The following SH3TC1 variants were observed in gnomAD, a reference collection of about 807,000 sequenced individuals.
The protein encoded by SH3TC1 is SH3 domain and tetratricopeptide repeat-containing protein 1.
Under a neutral mutation model 117.3 loss-of-function variants are expected in SH3TC1, and 135 were observed. That is an observed-to-expected ratio of 1.15 (90% CI 1.00 to 1.33). SH3TC1 has a LOEUF of 1.33. Ranked by LOEUF, SH3TC1 falls within the 40% of genes most tolerant of loss-of-function variation. The pLI, the probability that SH3TC1 is intolerant of heterozygous loss-of-function variation, is 0.00. For synonymous variants in SH3TC1, 898 were observed against 816.9 expected (o/e 1.10, Z -1.69); for missense variants, 2,092 against 1,794.3 (o/e 1.17, Z -3.00).
chr4:8,214,066 G>A (rs886621971), intron 4 of SH3TC1, among the ~76,000 whole-genome samples: 3 of 152,112 alleles, frequency 2.0e-5, no homozygotes, highest in Non-Finnish European at 2.9e-5. Flanking sequence ...GGATGCTGGC[G>A]GGGGGATGGA....
chr4:8,218,452 G>A, intron 8 of SH3TC1, 105 bp downstream of exon 8: 1 of 762,314 alleles, frequency 1.3e-6, no homozygotes, highest in Non-Finnish European at 2.1e-6. Flanking sequence ...CAGAGAGATA[G>A]CTATCAGGTA....
chr4:8,185,675 G>C (rs1347469989), intron 1 of SH3TC1, among the ~76,000 whole-genome samples: 1 of 152,224 alleles, frequency 6.6e-6, no homozygotes, highest in Non-Finnish European at 1.5e-5. Context: ...CTGTATCACA[G>C]CTGCTGGCTA....
In SH3TC1 at chr4:8,209,877, T is replaced by C; in HGVS notation, c.247+55T>C. 6.4e-7 allele frequency: 1 copy of C among 1,556,572 alleles called. No individual in the cohort carries two copies. Among genetic ancestry groups the C allele is most frequent in the Non-Finnish European group, 8.8e-7 (1 of 1,140,722 alleles). On this transcript the variant is annotated intron_variant, in intron 3 of 17. Transcript: ENST00000245105. This position sits in a 1 kb window ranked among gnomAD's most constrained non-coding sequence, Gnocchi z 5.9. The stretch of plus-strand genomic sequence containing the variant: ...CAGGTTCAAATCCGGGCTGTGCCGC[T>C]CCCTGGGCATCCAAGAGTCCAACCC...
Position 8,192,974 on chromosome 4 carries a change from G to C in SH3TC1, c.-57+10764G>C, listed in dbSNP as rs1382436888. On this transcript the variant is annotated intron_variant, in intron 1 of 16. Coordinates refer to the SH3TC1 transcript ENST00000508641. The surrounding 1 kb of genome is among the most constrained non-coding windows in gnomAD (Gnocchi z 4.1). ...TGTTTCACAGCACAAGACAGCCTCA[G>C]CTCTGTGGTCCACAAACCACATGAC... 6.6e-6 allele frequency among the ~76,000 whole-genome samples: 1 copy of C among 152,224 alleles called. No individual in the cohort carries two copies.
chr4:8,209,646 C>G lies in SH3TC1; in HGVS notation c.173-102C>G. 1.3e-6 allele frequency: 2 copies of G among 1,560,724 alleles called. No homozygotes were observed. Among genetic ancestry groups the G allele is most frequent in the Non-Finnish European group, 1.7e-6 (2 of 1,154,060 alleles). On this transcript the variant is annotated intron_variant, in intron 2 of 17. Transcript: ENST00000245105. The surrounding 1 kb of genome is among the most constrained non-coding windows in gnomAD (Gnocchi z 5.9). ...GAAAGGCGGCTCGTGCGGGACAGAA[C>G]TCACCTCTTTTCTTGCAGAGAGACC...
rs374279230 is a variant in SH3TC1 at position 8,237,604 on chromosome 4, C to T, written c.3687C>T (p.Asp1229=). 52 of 1,612,544 alleles carry T rather than the reference C, an allele frequency of 3.2e-5. No individual in the cohort carries two copies. In the Middle Eastern group the frequency reaches 6.6e-4, roughly 21 times the overall value. The part of the protein sequence containing the change: ...LSLCNSPLEF[D]EETLYYVKVY... Reference sequence around the variant, plus strand: ...TCTGCAACTCGCCGCTGGAGTTTGACGAGGAGACCCTCTACTACGTGAAGG... The same window carrying T: ...TCTGCAACTCGCCGCTGGAGTTTGATGAGGAGACCCTCTACTACGTGAAGG... The change falls in exon 17 of 18, where the codon GAC becomes GAT. Residue 1229 remains aspartate, a synonymous_variant. Coordinates refer to ENST00000245105, the MANE Select transcript of SH3TC1 (RefSeq NM_018986.5).
intron 11 of SH3TC1, 79 bp from the exon 12 acceptor site, chr4:8,226,901 G>A (rs2152991095): frequency 2.8e-6 from 3 of 1,068,124 alleles, no homozygotes; most frequent in South Asian, 2.1e-5. Flanking sequence ...AGAGGCTGGG[G>A]ATGAGGGGAC....
Position 8,209,620 on chromosome 4 carries a change from G to A in SH3TC1, c.173-128G>A. On this transcript the variant is annotated intron_variant, in intron 2 of 17. Transcript: ENST00000245105. The surrounding 1 kb of genome is among the most constrained non-coding windows in gnomAD (Gnocchi z 5.9). ...GGGAGACTGGAGGAAGGCAGCTGTG[G>A]GAAAGGCGGCTCGTGCGGGACAGAA... 6.5e-7 allele frequency: 1 copy of A among 1,539,978 alleles called. No homozygotes were observed. The highest frequency in any genetic ancestry group is 2.0e-5 in the Admixed American group (1 of 51,030).
chr4:8,237,417 G>A, intron 16 of SH3TC1, 57 bp from the exon 17 acceptor site: 1 of 1,353,416 alleles, frequency 7.4e-7, no homozygotes, highest in Non-Finnish European at 9.6e-7. Context: ...GCCGGGGTCT[G>A]CATGCCTGCC....
intron 1 of SH3TC1, among the ~76,000 whole-genome samples, chr4:8,194,186 G>C (rs1717494726): frequency 6.6e-6 from 1 of 152,188 alleles, no homozygotes; most frequent in Non-Finnish European, 1.5e-5. Context: ...GGCGGCGGGG[G>C]GTGTTGGTGG....
At chr4:8,187,310 C>T (rs1717247574) in intron 1 of SH3TC1, among the ~76,000 whole-genome samples, 1 of 149,682 alleles carries the variant, frequency 6.7e-6, no homozygotes, top group Admixed American at 6.6e-5. Flanking sequence ...TGCTGTTGAC[C>T]CTGGTCACCT....
At chr4:8,184,017 T>C (rs1717156281) in intron 1 of SH3TC1, among the ~76,000 whole-genome samples, 1 of 152,174 alleles carries the variant, frequency 6.6e-6, no homozygotes, top group South Asian at 2.1e-4. Flanking sequence ...CCCAAAGTGC[T>C]GTATTACAGG....
In SH3TC1 at chr4:8,205,865, A is replaced by C. The variant is rs1007342478; in HGVS notation, c.172+499A>C. The C allele has an allele frequency of 1.4e-5, 8 of 580,982 alleles. No individual in the cohort carries two copies. The Admixed American group carries it at 2.4e-4, about 17-fold the overall frequency. 36.0% of individuals were successfully genotyped at this position (580,982 alleles called of 1,614,324 possible). ...CTGAAGAGTGACCTAGGTGATCTCC[A>C]GGATCCCCTCTTACCCCCATCCTGA... On this transcript the variant is annotated intron_variant, in intron 2 of 17. Transcript: ENST00000245105. This position sits in a 1 kb window ranked among gnomAD's most constrained non-coding sequence, Gnocchi z 5.4.
chr4:8,205,067 G>A lies in SH3TC1; in HGVS notation c.-28-100G>A. 1 of 978,336 alleles carries A rather than the reference G, an allele frequency of 1.0e-6. No individual in the cohort carries two copies. Among genetic ancestry groups the A allele is most frequent in the East Asian group, 2.8e-5 (1 of 36,344 alleles). The allele number at this position is 978,336 out of a possible 1,614,324, so 60.6% of individuals were successfully genotyped here. On this transcript the variant is annotated intron_variant, in intron 1 of 17. Coordinates refer to ENST00000245105, the MANE Select transcript of SH3TC1 (RefSeq NM_018986.5). This position sits in a 1 kb window ranked among gnomAD's most constrained non-coding sequence, Gnocchi z 5.4. ...TGGATCTGAAAGGTGCAGGCGCTCA[G>A]CAACGCTGGTGTTCTCTTTCTGGAC...
chr4:8,198,930 T>C (rs1050440669), upstream of SH3TC1, among the ~76,000 whole-genome samples: 2 of 152,214 alleles, frequency 1.3e-5, no homozygotes, highest in East Asian at 3.9e-4. Flanking sequence ...TGCATGTATG[T>C]GTGCAGGCAT....
rs1390828829 is a variant in SH3TC1, at chr4:8,190,725, C to G, written c.-57+8515C>G. On this transcript the variant is annotated intron_variant, in intron 1 of 16. Coordinates refer to the SH3TC1 transcript ENST00000508641. This position sits in a 1 kb window ranked among gnomAD's most constrained non-coding sequence, Gnocchi z 4.7. ...GTGTGGTTATCGCTCGCTGCAGCCTCCAACTCCTGGGCTCAAGCAATGCTC... is the reference window on the plus strand; with the variant it reads ...GTGTGGTTATCGCTCGCTGCAGCCTGCAACTCCTGGGCTCAAGCAATGCTC... Among the ~76,000 whole-genome samples the G allele has an allele frequency of 6.6e-6, 1 of 152,012 alleles. No individual in the cohort carries two copies. The highest frequency in any genetic ancestry group is 1.5e-5 in the Non-Finnish European group (1 of 67,992).
chr4:8,195,124 C>G (rs1360944930), upstream of SH3TC1, among the ~76,000 whole-genome samples: 1 of 152,230 alleles, frequency 6.6e-6, no homozygotes, highest in Non-Finnish European at 1.5e-5. Flanking sequence ...AGGAGACAGT[C>G]AAGCTGGTGG....
At chr4:8,212,038 G>T (rs1450353935) in intron 3 of SH3TC1, among the ~76,000 whole-genome samples, 1 of 152,060 alleles carries the variant, frequency 6.6e-6, no homozygotes, top group Non-Finnish European at 1.5e-5. Context: ...GGGCAGGAGT[G>T]GGGTGGGGGG....
rs1174356425 is a variant in SH3TC1, at chr4:8,200,057, AGGAGCCCTG to A, written c.-29+662_-29+670del. ...CCCTCTGGGCCTGTGCGTGATCCCC[AGGAGCCCTG>A]GGAGCCCTGCCCTGTCTGTGAAGCG... On this transcript the variant is annotated intron_variant, in intron 1 of 17. Coordinates refer to ENST00000245105, the MANE Select transcript of SH3TC1 (RefSeq NM_018986.5). Among the ~76,000 whole-genome samples, 86 of 152,194 alleles carry A rather than the reference AGGAGCCCTG, an allele frequency of 5.7e-4. 1 individual carries two copies. Among genetic ancestry groups the A allele is most frequent in the Admixed American group, 5.6e-3 (85 of 15,284 alleles).
Sources: allele counts gnomAD v4.1 joint callset (sites outside exome capture counted in the v4.1 genomes callset), GRCh38; gene constraint gnomAD v4.1.1; non-coding constraint Gnocchi (gnomAD v3.1); transcripts MANE v1.5; gene names NCBI Gene and HGNC (gene_info 2026-07-23, HGNC 2026-07-21).